The following CALCR variants were observed in gnomAD, a reference collection of about 807,000 sequenced individuals.
CALCR encodes the protein calcitonin receptor.
A neutral mutation model predicts 59.5 loss-of-function variants in CALCR; 47 were observed. That is an observed-to-expected ratio of 0.79 (90% CI 0.63 to 1.01). CALCR has a LOEUF of 1.01. CALCR is among the 50% of genes least tolerant of loss of function. The pLI is 0.00. For synonymous variants in CALCR, 213 were observed against 211.3 expected, an observed-to-expected ratio of 1.01 and a Z score of -0.07; for missense variants, 566 against 597.1, an observed-to-expected ratio of 0.95 and a Z score of 0.54.
At chr7:93,513,248 G>A (rs978613965) in intron 2 of CALCR, among the ~76,000 whole-genome samples, 14 of 151,978 alleles carry the variant, frequency 9.2e-5, no homozygotes, top group African/African-American at 3.4e-4. Flanking sequence ...AGCCCCAAAT[G>A]TTCCACATAG....
chr7:93,534,966 TAC>T (rs1328869126), intron 2 of CALCR, among the ~76,000 whole-genome samples: 1 of 151,746 alleles, frequency 6.6e-6, no homozygotes, highest in Non-Finnish European at 1.5e-5. Flanking sequence ...ACCTTCATCT[TAC>T]AGATGAGAAA....
At chr7:93,539,287 G>A (rs1357623820) in intron 2 of CALCR, among the ~76,000 whole-genome samples, 1 of 151,798 alleles carries the variant, frequency 6.6e-6, no homozygotes, top group African/African-American at 2.4e-5. Context: ...CACTTGTTTG[G>A]CAAATATATC....
intron 8 of CALCR, among the ~76,000 whole-genome samples, chr7:93,457,562 G>A (rs1800233295): frequency 6.6e-6 from 1 of 152,138 alleles, no homozygotes; most frequent in Admixed American, 6.5e-5. Flanking sequence ...ATGTGACTGA[G>A]CATGCTCCCA....
chr7:93,492,381 A>G (rs1801101098), intron 2 of CALCR, among the ~76,000 whole-genome samples: 1 of 151,342 alleles, frequency 6.6e-6, no homozygotes, highest in Admixed American at 6.6e-5. Context: ...GTATTTACAG[A>G]TTTTTCCAGA....
At chr7:93,429,380 A>G (rs1368584097) in intron 13 of CALCR, among the ~76,000 whole-genome samples, 2 of 152,234 alleles carry the variant, frequency 1.3e-5, no homozygotes, top group Non-Finnish European at 2.9e-5. Context: ...TAAGTGGGAT[A>G]AATGTAACAA....
chr7:93,426,600 A>C lies in CALCR; in HGVS notation c.1192-11T>G. 7.0e-7 allele frequency: 1 copy of C among 1,420,342 alleles called. No homozygotes were observed. The highest frequency in any genetic ancestry group is 1.2e-5 in the South Asian group (1 of 84,272). 88.0% of individuals were successfully genotyped at this position (1,420,342 alleles called of 1,614,324 possible). ...CACGGTGGTTTGGACCTGGAAGAGA[A>C]AAAGGAGCCTTGTTTTTATATGATA... On this transcript the variant is annotated splice_polypyrimidine_tract_variant and intron_variant, in intron 13 of 13. Transcript: ENST00000426151.
intron 2 of CALCR, among the ~76,000 whole-genome samples, chr7:93,533,311 G>T (rs1461744112): frequency 6.6e-6 from 1 of 151,936 alleles, no homozygotes; most frequent in Non-Finnish European, 1.5e-5. Context: ...AAGCATGTCT[G>T]ATAGACACTT....
At chr7:93,562,898 T>C (rs962286576) in intron 2 of CALCR, among the ~76,000 whole-genome samples, 7 of 152,094 alleles carry the variant, frequency 4.6e-5, no homozygotes, top group African/African-American at 9.7e-5. Flanking sequence ...GGAAAAAGCT[T>C]TGGACTAAAG....
At chr7:93,559,909 C>T (rs925166841) in intron 2 of CALCR, 9 of 152,076 alleles carry the variant, frequency 5.9e-5, no homozygotes, top group Non-Finnish European at 1.5e-5. Flanking sequence ...CCCTAAATCA[C>T]AGGAAGATAT....
intron 8 of CALCR, among the ~76,000 whole-genome samples, chr7:93,444,352 G>C (rs1799970496): frequency 6.6e-6 from 1 of 152,078 alleles, no homozygotes; most frequent in Admixed American, 6.6e-5. Context: ...TCCTTGCTGA[G>C]AACTCAATGC....
intron 2 of CALCR, among the ~76,000 whole-genome samples, chr7:93,511,496 A>G (rs1238482062): frequency 6.6e-6 from 1 of 152,116 alleles, no homozygotes; most frequent in African/African-American, 2.4e-5. Context: ...TATAATAATC[A>G]CTTTATCAAC....
intron 2 of CALCR, among the ~76,000 whole-genome samples, chr7:93,520,702 G>A (rs1394213900): frequency 6.6e-6 from 1 of 152,034 alleles, no homozygotes; most frequent in East Asian, 1.9e-4. Flanking sequence ...CAAATATTCT[G>A]ACAAGAAATG....
chr7:93,427,562 C>A (rs996026123), intron 13 of CALCR, among the ~76,000 whole-genome samples: 13 of 152,120 alleles, frequency 8.5e-5, no homozygotes, highest in Admixed American at 8.5e-4. Flanking sequence ...GACAGCTAAA[C>A]ACATGAGAGA....
intron 9 of CALCR, among the ~76,000 whole-genome samples, chr7:93,440,075 A>C (rs4729091): frequency 6.6e-6 from 1 of 151,970 alleles, no homozygotes; most frequent in African/African-American, 2.4e-5. Flanking sequence ...CTAGAATTGG[A>C]AACATTATTC....
At chr7:93,522,936 T>C (rs1244216779) in intron 2 of CALCR, among the ~76,000 whole-genome samples, 1 of 152,232 alleles carries the variant, frequency 6.6e-6, no homozygotes, top group Admixed American at 6.5e-5. Context: ...AGCTTATTAC[T>C]TCCTGCTTTT....
At chr7:93,437,939 G>A (rs1039923821) in intron 11 of CALCR, 121 bp downstream of exon 11, 2 of 941,746 alleles carry the variant, frequency 2.1e-6, no homozygotes, top group African/African-American at 3.4e-5. Flanking sequence ...TTTTACTACA[G>A]AATACCATCA....
chr7:93,449,177 A>G lies in CALCR; in HGVS notation c.649-5420T>C, dbSNP rs139258207. On this transcript the variant is annotated intron_variant, in intron 8 of 13. Transcript: ENST00000426151. ...TATATGTTCAGCATGATCTCTAATG[A>G]TTAAAGATAGTTATTTACATTTCCC... Among the ~76,000 whole-genome samples the G allele has an allele frequency of 3.9e-3, 589 of 152,152 alleles. 3 individuals carry two copies. Among genetic ancestry groups the G allele is most frequent in the African/African-American group, 0.014 (562 of 41,550 alleles).
intron 2 of CALCR, among the ~76,000 whole-genome samples, chr7:93,573,245 T>G (rs1790045384): frequency 6.6e-6 from 1 of 152,210 alleles, no homozygotes; most frequent in Non-Finnish European, 1.5e-5. Flanking sequence ...TAATGGTAAG[T>G]CAACTGGCCC....
At chr7:93,510,151 A>G (rs1040567406) in intron 2 of CALCR, among the ~76,000 whole-genome samples, 1 of 152,112 alleles carries the variant, frequency 6.6e-6, no homozygotes, top group Non-Finnish European at 1.5e-5. Context: ...AACTCAGAGT[A>G]GAGTGGTGGG....
Sources: gnomAD v4.1 joint callset for allele counts (sites outside exome capture counted in the v4.1 genomes callset) on GRCh38, gnomAD v4.1.1 for gene constraint, MANE v1.5 for transcripts, NCBI Gene and HGNC (gene_info 2026-07-23, HGNC 2026-07-21) for gene names.